RAB4A: variants seen among roughly 807,000 people sequenced by gnomAD.
RAB4A encodes the protein ras-related protein Rab-4A.
In RAB4A, 20 loss-of-function variants were observed where a neutral mutation model predicts 34.5. The ratio of observed to expected loss-of-function variants is 0.58; its 90% CI spans 0.41 to 0.84. The LOEUF is 0.84. Among genes scored for constraint, RAB4A ranks in the 40% least tolerant of loss-of-function variants. The probability of loss-of-function intolerance (pLI) is 0.00; values close to 1 mark genes in which losing one functional copy is unlikely to be tolerated. For missense variants in RAB4A, 228 were observed against 274.5 expected (o/e 0.83, Z 1.20); for synonymous variants, 102 against 100.0 (o/e 1.02, Z -0.12).
chr1:229,301,090 T>G (rs567553730), intron 6 of RAB4A, among the ~76,000 whole-genome samples: 1 of 152,258 alleles, frequency 6.6e-6, no homozygotes, highest in South Asian at 2.1e-4. Flanking sequence ...AGTGATCATT[T>G]TGATCAAGAA....
At position 229,305,605 on chromosome 1, in the gene RAB4A, C is replaced by T. The variant is rs1326832724; in HGVS notation, c.*1812C>T. ...TAATAAATGTCATGTTTCTATTTCC[C>T]GCAACTCATTAAGTTTTCAGGAAGC... On this transcript the variant is annotated 3_prime_UTR_variant, in exon 8 of 8. Transcript: ENST00000366690. The T allele has an allele frequency of 2.5e-5, 5 of 198,450 alleles. No individual in the cohort carries two copies. Among genetic ancestry groups the T allele is most frequent in the South Asian group, 3.8e-4 (2 of 5,262 alleles). The allele number at this position is 198,450 out of a possible 1,614,324, so 12.3% of individuals were successfully genotyped here. A position where few individuals can be genotyped will look rare whatever the true frequency, so the allele number is the denominator to read the frequency against.
At position 229,299,121 on chromosome 1, in the gene RAB4A, T is replaced by C. The variant is rs779363537; in HGVS notation, c.541+49T>C. 8.8e-6 allele frequency: 11 copies of C among 1,247,132 alleles called. No individual in the cohort carries two copies. The Admixed American group carries it at 1.9e-4, about 22-fold the overall frequency. The allele number at this position is 1,247,132 out of a possible 1,614,324, so 77.3% of individuals were successfully genotyped here. A position where few individuals can be genotyped will look rare whatever the true frequency, so the allele number is the denominator to read the frequency against. On this transcript the variant is annotated intron_variant, in intron 6 of 7. Coordinates refer to ENST00000366690, the MANE Select transcript of RAB4A (RefSeq NM_004578.4). ...CTTTTCTTCTGCATATTTTACACTG[T>C]AGCTCAGTAGATCACCTTTTAATTA... is the stretch of plus-strand genomic sequence containing the variant.
rs149696228 is a variant in RAB4A at position 229,280,748 on chromosome 1, C to T, written c.32-5738C>T. ...CAGGACACTTCCGTCACCACAAGATCTCTCCTGTTGCCCTTTTATAGGCAC... is the reference window on the plus strand; with the variant it reads ...CAGGACACTTCCGTCACCACAAGATTTCTCCTGTTGCCCTTTTATAGGCAC... On this transcript the variant is annotated intron_variant, in intron 1 of 7. Transcript: ENST00000366690. Among the ~76,000 whole-genome samples, 645 of 152,286 alleles carry T rather than the reference C, an allele frequency of 4.2e-3. 10 individuals are homozygous for T. Among genetic ancestry groups the T allele is most frequent in the East Asian group, 0.035 (180 of 5,190 alleles).
At chr1:229,291,374 C>G (rs1205076804) in intron 3 of RAB4A, among the ~76,000 whole-genome samples, 1 of 152,136 alleles carries the variant, frequency 6.6e-6, no homozygotes, top group African/African-American at 2.4e-5. Context: ...GAAGATCCAG[C>G]TCAGAATGGC....
chr1:229,287,255 G>A (rs1368887210), intron 2 of RAB4A, among the ~76,000 whole-genome samples: 2 of 152,218 alleles, frequency 1.3e-5, no homozygotes, highest in East Asian at 3.8e-4. Context: ...AGGCATGGTA[G>A]GTGGTGGGTA....
At chr1:229,302,304 T>C (rs1657427552) in intron 6 of RAB4A, among the ~76,000 whole-genome samples, 1 of 32,692 alleles carries the variant, frequency 3.1e-5, no homozygotes, top group African/African-American at 1.2e-4. Flanking sequence ...TATATATATA[T>C]ATATATTTTT....
intron 1 of RAB4A, among the ~76,000 whole-genome samples, chr1:229,272,112 G>A (rs977554135): frequency 9.9e-5 from 15 of 151,214 alleles, no homozygotes; most frequent in African/African-American, 3.6e-4. Context: ...TGCATATGCT[G>A]TGTGCTTTTT....
At chr1:229,287,738 A>G (rs540839844) in intron 2 of RAB4A, among the ~76,000 whole-genome samples, 33 of 152,196 alleles carry the variant, frequency 2.2e-4, no homozygotes, top group African/African-American at 7.7e-4. Context: ...TACTAGTTCT[A>G]TACTGTCTGG....
At chr1:229,283,772 G>A (rs1305684914) in intron 1 of RAB4A, among the ~76,000 whole-genome samples, 2 of 151,446 alleles carry the variant, frequency 1.3e-5, no homozygotes, top group African/African-American at 4.9e-5. Flanking sequence ...TGCTGCCCAG[G>A]CTGGAATGCA....
At chr1:229,290,923 T>G (rs1486832205) in intron 3 of RAB4A, among the ~76,000 whole-genome samples, 1 of 152,026 alleles carries the variant, frequency 6.6e-6, no homozygotes, top group African/African-American at 2.4e-5. Context: ...AGGAATGAGA[T>G]TCCAGATTAA....
At chr1:229,283,843 C>T (rs1391460784) in intron 1 of RAB4A, among the ~76,000 whole-genome samples, 1 of 151,742 alleles carries the variant, frequency 6.6e-6, no homozygotes, top group Non-Finnish European at 1.5e-5. Flanking sequence ...TCTCCTGCCT[C>T]AGCCTCCCAA....
chr1:229,303,106 C>G, intron 7 of RAB4A, 117 bp downstream of exon 7: 3 of 699,380 alleles, frequency 4.3e-6, no homozygotes, highest in South Asian at 1.8e-5. Flanking sequence ...TGCAGTGGCT[C>G]TAATTCCAGC....
At chr1:229,278,236 C>T (rs557991867) in intron 1 of RAB4A, among the ~76,000 whole-genome samples, 1 of 152,282 alleles carries the variant, frequency 6.6e-6, no homozygotes, top group East Asian at 1.9e-4. Flanking sequence ...CCACCTCGTC[C>T]TTCTTTTTCT....
intron 3 of RAB4A, 42 bp from the exon 4 acceptor site, chr1:229,295,806 G>A (rs1201427125): frequency 6.2e-7 from 1 of 1,601,936 alleles, no homozygotes; most frequent in Non-Finnish European, 8.6e-7. Flanking sequence ...TACAGTAAAG[G>A]GTCTCAATTG....
intron 2 of RAB4A, among the ~76,000 whole-genome samples, chr1:229,286,989 C>T (rs1656939995): frequency 6.6e-6 from 1 of 152,168 alleles, no homozygotes. Context: ...AGAAACAGAC[C>T]TCTTGACCAC....
In RAB4A at chr1:229,293,840, G is replaced by A. The variant is rs371445739; in HGVS notation, c.228-2008G>A. Among the ~76,000 whole-genome samples the A allele has an allele frequency of 1.1e-3, 175 of 152,300 alleles. 1 individual carries two copies. The highest frequency in any genetic ancestry group is 3.9e-3 in the African/African-American group (160 of 41,554). On this transcript the variant is annotated intron_variant, in intron 3 of 7. Coordinates refer to ENST00000366690, the MANE Select transcript of RAB4A (RefSeq NM_004578.4). ...GGACAAGGAAAGCCAGCGGTGTGAC[G>A]AGCCCAGACGGGAGTGGCAGGGGCT... is the stretch of plus-strand genomic sequence containing the variant.
rs1292969750 is a variant in RAB4A, at chr1:229,302,295, ATATATATATATATATTTT to A, written c.542-565_542-548del. Among the ~76,000 whole-genome samples the A allele has an allele frequency of 2.3e-3, 57 of 25,194 alleles. 1 individual carries two copies. The highest frequency in any genetic ancestry group is 0.012 in the South Asian group (12 of 1,042). 16.5% of individuals were successfully genotyped at this position (25,194 alleles called of 152,430 possible). ...TATATATATATATATATATATATAT[ATATATATATATATATTTT>A]TTTTTTTTTTTTACATGTGCATGAG... On this transcript the variant is annotated intron_variant, in intron 6 of 7. Transcript: ENST00000366690.
chr1:229,294,815 C>T (rs986214642), intron 3 of RAB4A, among the ~76,000 whole-genome samples: 1 of 152,002 alleles, frequency 6.6e-6, no homozygotes, highest in African/African-American at 2.4e-5. Flanking sequence ...GGGTAACGAG[C>T]GAAACTCTGT....
chr1:229,275,223 A>G (rs994788050), intron 1 of RAB4A, among the ~76,000 whole-genome samples: 2 of 152,178 alleles, frequency 1.3e-5, no homozygotes, highest in Admixed American at 1.3e-4. Context: ...TTATAAGATG[A>G]GGGAAACTTA....
Sources: allele counts gnomAD v4.1 joint callset (sites outside exome capture counted in the v4.1 genomes callset), GRCh38; gene constraint gnomAD v4.1.1; transcripts MANE v1.5; gene names NCBI Gene and HGNC (gene_info 2026-07-23, HGNC 2026-07-21).